CFAP161: variants seen among roughly 807,000 people sequenced by gnomAD.
CFAP161 encodes cilia- and flagella-associated protein 161.
Under a neutral mutation model 29.0 loss-of-function variants are expected in CFAP161, and 25 were observed. The observed-to-expected ratio is 0.86, with a 90% CI of 0.63 to 1.20. CFAP161 has a LOEUF of 1.20. Ranked by LOEUF, CFAP161 falls within the 50% of genes most tolerant of loss-of-function variation. CFAP161 has a pLI of 0.00. For synonymous variants in CFAP161, 116 were observed against 137.4 expected (o/e 0.84, Z 1.09); for missense variants, 367 against 371.9 (o/e 0.99, Z 0.11).
chr15:81,133,631 C>T (rs925675828), upstream of CFAP161, among the ~76,000 whole-genome samples: 4 of 150,894 alleles, frequency 2.7e-5, no homozygotes, highest in African/African-American at 9.7e-5. Flanking sequence ...GTCTGGTTTT[C>T]TTAAGAGTTC....
upstream of CFAP161, chr15:81,134,266 T>C: frequency 6.5e-7 from 1 of 1,545,556 alleles, no homozygotes; most frequent in Non-Finnish European, 8.8e-7. Context: ...CGGGTCGTCA[T>C]GGCGACGCGC....
rs574822036 is a variant in CFAP161 at position 81,139,229 on chromosome 15, G to A, written c.477+1094G>A. On this transcript the variant is annotated intron_variant, in intron 4 of 6. Transcript: ENST00000286732. ...CTGAGGTGGGAGGATTGCTTAAGCC[G>A]GAAGGTAGAAACTGTAGAGTTTGCA... 1.1e-3 allele frequency among the ~76,000 whole-genome samples: 174 copies of A among 152,118 alleles called. 1 individual carries two copies. The South Asian group carries it at 0.02, about 18-fold the overall frequency.
At chr15:81,121,784 G>T (rs1376393367) in intron 1 of CFAP161, among the ~76,000 whole-genome samples, 2 of 152,002 alleles carry the variant, frequency 1.3e-5, no homozygotes, top group African/African-American at 4.8e-5. Context: ...ATGTCATGGG[G>T]GTTTGTTGCA....
At chr15:81,134,197 G>C, upstream of CFAP161, 2 of 1,076,248 alleles carry the variant, frequency 1.9e-6, no homozygotes, top group Non-Finnish European at 2.7e-6. Context: ...CCAGGGCGAG[G>C]GTGCGCGCTG....
At chr15:81,121,306 A>G (rs1894569782) in intron 1 of CFAP161, among the ~76,000 whole-genome samples, 1 of 152,050 alleles carries the variant, frequency 6.6e-6, no homozygotes, top group Non-Finnish European at 1.5e-5. Flanking sequence ...TTTCTTTTTC[A>G]TGTTCTTTAC....
chr15:81,132,193 C>T (rs1329363854), upstream of CFAP161, among the ~76,000 whole-genome samples: 2 of 152,142 alleles, frequency 1.3e-5, no homozygotes, highest in Non-Finnish European at 2.9e-5. Context: ...ATGAGAATTG[C>T]TTGAACCTGG....
At chr15:81,137,997 A>T in intron 3 of CFAP161, 54 bp from the exon 4 acceptor site, 1 of 1,352,370 alleles carries the variant, frequency 7.4e-7, no homozygotes. Flanking sequence ...GAGTCATAGA[A>T]TGATTCTAAT....
Position 81,134,391 on chromosome 15 carries a change from T to C in CFAP161, c.62T>C (p.Leu21Pro), listed in dbSNP as rs114773212. ...RIGNWNEDVYLEEELMKDFLE... is the reference protein window; with the variant it reads ...RIGNWNEDVYPEEELMKDFLE... Reference sequence around the variant, plus strand: ...GGCAACTGGAATGAGGATGTCTACCTGGAGGAGGTACGCAGGGTGTGGCCA... The same window carrying C: ...GGCAACTGGAATGAGGATGTCTACCCGGAGGAGGTACGCAGGGTGTGGCCA... The change falls in exon 1 of 7, where the codon CTG becomes CCG. Residue 21 changes from leucine (L) to proline (P), a missense_variant. Leu to Pro is a moderately conservative substitution (Grantham distance 98). Transcript: ENST00000286732. 1.9e-6 allele frequency: 3 copies of C among 1,584,696 alleles called. No individual in the cohort carries two copies. The highest frequency in any genetic ancestry group is 1.3e-5 in the African/African-American group (1 of 74,872).
At chr15:81,130,615 G>T (rs762838958), upstream of CFAP161, among the ~76,000 whole-genome samples, 1 of 152,178 alleles carries the variant, frequency 6.6e-6, no homozygotes, top group Admixed American at 6.5e-5. Flanking sequence ...CAGGAGAATC[G>T]CTTGAACCTG....
intron 1 of CFAP161, among the ~76,000 whole-genome samples, chr15:81,100,084 A>G (rs1894285428): frequency 6.6e-6 from 1 of 151,640 alleles, no homozygotes; most frequent in Non-Finnish European, 1.5e-5. Flanking sequence ...AGAGGAGAAA[A>G]TTTCCACTTA....
Position 81,135,127 on chromosome 15 carries a change from A to T in CFAP161, c.70-143A>T, listed in dbSNP as rs1295912602. 3 of 509,662 alleles carry T rather than the reference A, an allele frequency of 5.9e-6. No homozygotes were observed. The East Asian group carries it at 9.3e-5, about 16-fold the overall frequency. The allele number at this position is 509,662 out of a possible 1,614,324, so 31.6% of individuals were successfully genotyped here. A position where few individuals can be genotyped will look rare whatever the true frequency, so the allele number is the denominator to read the frequency against. ...TAAAAATATTAAAGTAGTGCTAAAA[A>T]CGTTCCATCATTCCAATTATGCTCA... On this transcript the variant is annotated intron_variant, in intron 1 of 6. Coordinates refer to ENST00000286732, the MANE Select transcript of CFAP161 (RefSeq NM_173528.4).
chr15:81,115,923 A>G (rs552083760), intron 1 of CFAP161, among the ~76,000 whole-genome samples: 1 of 151,160 alleles, frequency 6.6e-6, no homozygotes, highest in Non-Finnish European at 1.5e-5. Context: ...CCTGGGCTCA[A>G]GCAATACTCC....
chr15:81,141,451 GA>G (rs1489486592), intron 4 of CFAP161, among the ~76,000 whole-genome samples: 7 of 151,990 alleles, frequency 4.6e-5, no homozygotes, highest in Non-Finnish European at 1.0e-4. Context: ...TTTTTCAGTT[GA>G]TTTTTTTATG....
At chr15:81,136,429 A>G in intron 2 of CFAP161, 87 bp from the exon 3 acceptor site, 1 of 1,128,804 alleles carries the variant, frequency 8.9e-7, no homozygotes, top group Non-Finnish European at 1.3e-6. Context: ...TGAAATGGGT[A>G]CTAGTCCGAG....
intron 4 of CFAP161, among the ~76,000 whole-genome samples, chr15:81,139,562 G>A (rs7174034): frequency 0.4 from 60,274 of 151,902 alleles, 12,863 homozygotes; most frequent in East Asian, 0.75. Flanking sequence ...TTAAAATGAC[G>A]AAATCATTTA....
At chr15:81,131,928 A>G (rs780533258), upstream of CFAP161, among the ~76,000 whole-genome samples, 17 of 152,226 alleles carry the variant, frequency 1.1e-4, no homozygotes, top group Non-Finnish European at 8.8e-5. Flanking sequence ...GAAAGCAGCA[A>G]GAGTATGTGT....
At chr15:81,147,283 T>C (rs570886097) in intron 5 of CFAP161, among the ~76,000 whole-genome samples, 1 of 152,106 alleles carries the variant, frequency 6.6e-6, no homozygotes, top group South Asian at 2.1e-4. Flanking sequence ...TCTTTCTTCC[T>C]CTCCCCCCCA....
At chr15:81,133,488 A>G (rs562699152), upstream of CFAP161, among the ~76,000 whole-genome samples, 97 of 152,206 alleles carry the variant, frequency 6.4e-4, no homozygotes, top group African/African-American at 2.3e-3. Context: ...GTCATGTCTT[A>G]CTAGACACTA....
At chr15:81,117,734 C>T (rs1410570303) in intron 1 of CFAP161, 6 of 319,776 alleles carry the variant, frequency 1.9e-5, no homozygotes, top group Admixed American at 4.0e-5. Flanking sequence ...CCATCTTCAT[C>T]TTTATCAAGT....
Sources: allele counts gnomAD v4.1 joint callset (sites outside exome capture counted in the v4.1 genomes callset), GRCh38; gene constraint gnomAD v4.1.1; transcripts MANE v1.5; gene names NCBI Gene and HGNC (gene_info 2026-07-23, HGNC 2026-07-21).